The following EYA2 variants were observed in gnomAD, a reference collection of about 807,000 sequenced individuals.
The protein encoded by EYA2 is protein phosphatase EYA2.
Under a neutral mutation model 69.2 loss-of-function variants are expected in EYA2, and 31 were observed. That is an observed-to-expected ratio of 0.45 (90% CI 0.34 to 0.60). The LOEUF is 0.60. Among genes scored for constraint, EYA2 ranks in the 20% least tolerant of loss-of-function variants. EYA2 has a pLI of 0.02. For missense variants in EYA2, 622 were observed against 701.2 expected (o/e 0.89, Z 1.28); for synonymous variants, 257 against 279.4 (o/e 0.92, Z 0.80).
intron 1 of EYA2, among the ~76,000 whole-genome samples, chr20:46,981,561 G>T (rs1980834638): frequency 6.6e-6 from 1 of 152,138 alleles, no homozygotes; most frequent in South Asian, 2.1e-4. Flanking sequence ...AGGTATTTTA[G>T]ATTTTGCAGA....
At chr20:47,078,579 ATGCATTAATG>A (rs1385462379) in intron 7 of EYA2, among the ~76,000 whole-genome samples, 2 of 152,232 alleles carry the variant, frequency 1.3e-5, no homozygotes, top group African/African-American at 4.8e-5. Context: ...CTGCATTGAC[ATGCATTAATG>A]TGTGTGTGAA....
At chr20:46,927,635 C>T (rs1985474334) in intron 1 of EYA2, among the ~76,000 whole-genome samples, 1 of 152,110 alleles carries the variant, frequency 6.6e-6, no homozygotes, top group South Asian at 2.1e-4. Context: ...TATTCACTAC[C>T]ACGAGAACAG....
At chr20:47,108,553 A>G (rs1042588374) in intron 9 of EYA2, among the ~76,000 whole-genome samples, 2 of 152,102 alleles carry the variant, frequency 1.3e-5, no homozygotes, top group African/African-American at 4.8e-5. Context: ...TCTGAGTTCC[A>G]TTCTTATTTA....
chr20:46,942,705 C>G (rs1209281980), intron 1 of EYA2, among the ~76,000 whole-genome samples: 1 of 152,202 alleles, frequency 6.6e-6, no homozygotes, highest in African/African-American at 2.4e-5. Context: ...GTCCCATCAT[C>G]TATGAAATGA....
intron 10 of EYA2, among the ~76,000 whole-genome samples, chr20:47,163,718 A>T (rs1160718372): frequency 6.6e-6 from 1 of 151,060 alleles, no homozygotes; most frequent in Non-Finnish European, 1.5e-5. Flanking sequence ...AAAAAAAAAA[A>T]AAAAATCCAC....
intron 5 of EYA2, chr20:47,071,951 C>A: frequency 1.8e-6 from 1 of 554,302 alleles, no homozygotes; most frequent in African/African-American, 1.9e-5. Context: ...TGGAAGCACC[C>A]AGGAGGCCGT....
intron 10 of EYA2, among the ~76,000 whole-genome samples, chr20:47,156,141 T>C (rs1207437064): frequency 0.039 from 522 of 13,412 alleles, no homozygotes; most frequent in African/African-American, 0.065. Context: ...TATATATATA[T>C]ATATATATAT....
At chr20:47,090,551 T>TA (rs747050981) in intron 8 of EYA2, among the ~76,000 whole-genome samples, 2 of 152,064 alleles carry the variant, frequency 1.3e-5, no homozygotes, top group South Asian at 4.1e-4. Context: ...TTTTTTTTTT[T>TA]AATCAGGTAT....
chr20:47,176,751 A>G (rs1328684231), intron 12 of EYA2, among the ~76,000 whole-genome samples: 1 of 152,102 alleles, frequency 6.6e-6, no homozygotes, highest in East Asian at 1.9e-4. Context: ...AAGCTGGCCA[A>G]GTACTCTACA....
intron 5 of EYA2, among the ~76,000 whole-genome samples, chr20:47,021,064 G>A (rs1049239677): frequency 6.6e-6 from 1 of 152,140 alleles, no homozygotes; most frequent in Admixed American, 6.5e-5. Flanking sequence ...GTGCTATGAT[G>A]ACTAAATGAG....
chr20:46,958,882 AT>A (rs1979302140), intron 1 of EYA2, among the ~76,000 whole-genome samples: 1 of 152,184 alleles, frequency 6.6e-6, no homozygotes, highest in Non-Finnish European at 1.5e-5. Context: ...CTCGTTCTTT[AT>A]TATGGTTGCA....
At chr20:47,057,133 AGGAG>A (rs761053258) in intron 5 of EYA2, among the ~76,000 whole-genome samples, 11 of 110,332 alleles carry the variant, frequency 1.0e-4, no homozygotes, top group African/African-American at 2.1e-4. Context: ...GAAGACAGGA[AGGAG>A]GGAGGAAGGA....
At chr20:47,066,071 G>A (rs6094578) in intron 5 of EYA2, among the ~76,000 whole-genome samples, 30,844 of 152,134 alleles carry the variant, frequency 0.2, 3,343 homozygotes, top group Middle Eastern at 0.27. Context: ...TGGGCATGGT[G>A]ACTTACACCT....
intron 7 of EYA2, among the ~76,000 whole-genome samples, chr20:47,085,428 A>T (rs2031863890): frequency 1.3e-5 from 2 of 151,984 alleles, no homozygotes; most frequent in Admixed American, 6.6e-5. Context: ...TGGGCGGATC[A>T]TGAGGTCAAG....
At chr20:47,157,493 AC>A (rs2146626360) in intron 10 of EYA2, among the ~76,000 whole-genome samples, 1 of 151,994 alleles carries the variant, frequency 6.6e-6, no homozygotes, top group East Asian at 2.0e-4. Context: ...AATTGGAAAG[AC>A]CGTTAAAATA....
chr20:46,980,177 G>A lies in EYA2; in HGVS notation c.-10-9824G>A, dbSNP rs113420139. 8.4e-3 allele frequency among the ~76,000 whole-genome samples: 1,274 copies of A among 152,296 alleles called. 5 individuals carry two copies. The highest frequency in any genetic ancestry group is 0.015 in the Non-Finnish European group (1,030 of 68,030). ...CCTGACTCTACCACTGACTAGCCAG[G>A]TCAGTCTCTGAACCTGTCTCCTTAT... On this transcript the variant is annotated intron_variant, in intron 1 of 15. Transcript: ENST00000327619.
intron 5 of EYA2, among the ~76,000 whole-genome samples, chr20:47,054,578 G>A (rs900457692): frequency 6.6e-6 from 1 of 152,064 alleles, no homozygotes; most frequent in African/African-American, 2.4e-5. Flanking sequence ...TCACTAATGC[G>A]GATAGACAGA....
intron 9 of EYA2, among the ~76,000 whole-genome samples, chr20:47,101,339 G>A (rs767086889): frequency 3.9e-5 from 6 of 152,106 alleles, no homozygotes; most frequent in Non-Finnish European, 5.9e-5. Flanking sequence ...CTCCCACCTC[G>A]GCCTCCCAAA....
In EYA2 at chr20:47,050,238, T is replaced by A. The variant is rs76398657; in HGVS notation, c.416-21947T>A. Among the ~76,000 whole-genome samples, 802 of 152,266 alleles carry A rather than the reference T, an allele frequency of 5.3e-3. 6 individuals are homozygous for A. Among genetic ancestry groups the A allele is most frequent in the African/African-American group, 0.018 (763 of 41,552 alleles). On this transcript the variant is annotated intron_variant, in intron 5 of 15. Coordinates refer to ENST00000327619, the MANE Select transcript of EYA2 (RefSeq NM_005244.5). ...CTTTCTCTCTTGTTAACTTTGATCA[T>A]CAGAGTCTGGGTCCTAACCCCTTGG...
Sources: gnomAD v4.1 joint callset for allele counts (sites outside exome capture counted in the v4.1 genomes callset) on GRCh38, gnomAD v4.1.1 for gene constraint, MANE v1.5 for transcripts, NCBI Gene and HGNC (gene_info 2026-07-23, HGNC 2026-07-21) for gene names.